TANGO6: variants seen among roughly 807,000 people sequenced by gnomAD.
The protein encoded by TANGO6 is transport and Golgi organization protein 6 homolog.
A neutral mutation model predicts 114.2 loss-of-function variants in TANGO6; 90 were observed. The observed-to-expected ratio is 0.79, with a 90% confidence interval of 0.66 to 0.94. The LOEUF (loss-of-function observed/expected upper bound fraction) is 0.94, where lower values mean the gene tolerates loss of function less well. TANGO6 is among the 40% of genes least tolerant of loss of function. TANGO6 has a pLI of 0.00. For missense variants in TANGO6, 1,274 were observed against 1,315.3 expected (o/e 0.97, Z 0.49); for synonymous variants, 477 against 509.8 (o/e 0.94, Z 0.87).
chr16:68,892,451 C>T (rs1962635958), intron 7 of TANGO6, among the ~76,000 whole-genome samples: 1 of 151,988 alleles, frequency 6.6e-6, no homozygotes, highest in African/African-American at 2.4e-5. Flanking sequence ...GACTTTGCCC[C>T]TCAGCTCTTG....
chr16:69,061,419 C>T (rs1960113495), intron 17 of TANGO6, among the ~76,000 whole-genome samples: 2 of 151,996 alleles, frequency 1.3e-5, no homozygotes, highest in African/African-American at 2.4e-5. Flanking sequence ...CAAAAATTAG[C>T]GGGGTGTGGT....
chr16:68,875,769 CAA>C (rs5817658), intron 5 of TANGO6, among the ~76,000 whole-genome samples: 15 of 113,320 alleles, frequency 1.3e-4, no homozygotes, highest in African/African-American at 1.5e-4. Flanking sequence ...AACTCCGTCT[CAA>C]AAAAAAAAAA....
intron 15 of TANGO6, among the ~76,000 whole-genome samples, chr16:69,009,373 G>A (rs969742618): frequency 1.3e-5 from 2 of 152,074 alleles, no homozygotes; most frequent in East Asian, 1.9e-4. Flanking sequence ...GAGCCACTGC[G>A]CCTGGCCCGA....
At chr16:68,926,725 G>A (rs984529852) in intron 12 of TANGO6, among the ~76,000 whole-genome samples, 8 of 151,580 alleles carry the variant, frequency 5.3e-5, no homozygotes, top group Admixed American at 3.9e-4. Flanking sequence ...GTGGGGTTTC[G>A]CCATGTTGGC....
chr16:68,907,099 ATTTTT>A (rs546359676), intron 9 of TANGO6, among the ~76,000 whole-genome samples: 34 of 114,594 alleles, frequency 3.0e-4, no homozygotes, highest in Non-Finnish European at 4.0e-4. Flanking sequence ...CCAGACCTTG[ATTTTT>A]TTTTTTTTTT....
In TANGO6 at chr16:68,980,993, C is replaced by CA. The variant is rs1177318846; in HGVS notation, c.2842+6835dup. On this transcript the variant is annotated intron_variant, in intron 15 of 17. Transcript: ENST00000261778. ...TGGTCAACAGAGTGAGACTCCATCTCAAAAAAAAAAGAATTGTGGAAAGAT... is the reference window on the plus strand; with the variant it reads ...TGGTCAACAGAGTGAGACTCCATCTCAAAAAAAAAAAGAATTGTGGAAAGAT... 9.3e-3 allele frequency among the ~76,000 whole-genome samples: 1,344 copies of CA among 144,260 alleles called. 22 individuals are homozygous for CA. The highest frequency in any genetic ancestry group is 0.032 in the African/African-American group (1,261 of 39,410). 94.6% of individuals were successfully genotyped at this position (144,260 alleles called of 152,430 possible).
intron 16 of TANGO6, among the ~76,000 whole-genome samples, chr16:69,027,122 G>A (rs950737224): frequency 2.6e-5 from 4 of 152,076 alleles, no homozygotes; most frequent in South Asian, 2.1e-4. Context: ...TCGGCCTCCC[G>A]AAGTGCTGGG....
rs1597016930 is a variant in TANGO6, at chr16:68,913,040, A to C, written c.1992+3638A>C. Among the ~76,000 whole-genome samples, 12 of 149,762 alleles carry C rather than the reference A, an allele frequency of 8.0e-5. No individual in the cohort carries two copies. The South Asian group carries it at 2.6e-3, about 32-fold the overall frequency. The stretch of plus-strand genomic sequence containing the variant: ...GGTTGCAGTGAGCCGAGATTGCGCC[A>C]CTGCACTCCAGCCTGAGTGACAGAG... On this transcript the variant is annotated intron_variant, in intron 11 of 17. Coordinates refer to ENST00000261778, the MANE Select transcript of TANGO6 (RefSeq NM_024562.2).
chr16:68,868,217 G>C (rs1429766400), intron 4 of TANGO6, among the ~76,000 whole-genome samples: 2 of 151,364 alleles, frequency 1.3e-5, no homozygotes, highest in Non-Finnish European at 2.9e-5. Flanking sequence ...TGCAAACTTT[G>C]GGATGAAGTT....
intron 15 of TANGO6, among the ~76,000 whole-genome samples, chr16:68,983,788 C>T (rs1221263670): frequency 1.3e-5 from 2 of 152,110 alleles, no homozygotes; most frequent in African/African-American, 4.8e-5. Context: ...AATCCCAGCA[C>T]TTTGGGAGGC....
chr16:69,015,605 C>T (rs1265332508), intron 15 of TANGO6, among the ~76,000 whole-genome samples: 1 of 151,888 alleles, frequency 6.6e-6, no homozygotes, highest in Non-Finnish European at 1.5e-5. Context: ...CCTCAGCTTC[C>T]CGAGTAGCTG....
chr16:69,017,594 C>T (rs1174346565), intron 15 of TANGO6, among the ~76,000 whole-genome samples: 1 of 152,098 alleles, frequency 6.6e-6, no homozygotes, highest in African/African-American at 2.4e-5. Context: ...TTTCTTCCTT[C>T]CCCAGTCTCC....
intron 12 of TANGO6, 122 bp from the exon 13 acceptor site, chr16:68,927,446 A>T: frequency 9.5e-7 from 1 of 1,057,998 alleles, no homozygotes; most frequent in African/African-American, 1.6e-5. Context: ...CAATACACTG[A>T]TTACACCATG....
At chr16:69,079,550 C>T (rs923732288) in intron 17 of TANGO6, among the ~76,000 whole-genome samples, 1 of 151,202 alleles carries the variant, frequency 6.6e-6, no homozygotes, top group Non-Finnish European at 1.5e-5. Context: ...AAAATATTTG[C>T]AACTCATATG....
In TANGO6 at chr16:68,929,194, C is replaced by T. The variant is rs1466864977; in HGVS notation, c.2644-1044C>T. ...TCGGCCTCCCAAAGTGCTGGGATTA[C>T]AGGCATGAGCCACCGCGCCTGGCCT... On this transcript the variant is annotated intron_variant, in intron 13 of 17. Transcript: ENST00000261778. Among the ~76,000 whole-genome samples the T allele has an allele frequency of 2.0e-5, 3 of 152,204 alleles. No homozygotes were observed. The East Asian group carries it at 5.8e-4, about 29-fold the overall frequency.
At chr16:69,005,217 A>G (rs1275430636) in intron 15 of TANGO6, among the ~76,000 whole-genome samples, 1 of 152,232 alleles carries the variant, frequency 6.6e-6, no homozygotes, top group Non-Finnish European at 1.5e-5. Flanking sequence ...TTGCTCAACT[A>G]TCCAAAGGAA....
chr16:68,961,933 T>A (rs1338391193), intron 14 of TANGO6, among the ~76,000 whole-genome samples: 3 of 152,232 alleles, frequency 2.0e-5, no homozygotes, highest in African/African-American at 7.2e-5. Flanking sequence ...TTTAGCAGGA[T>A]GCTTCGGTAG....
At chr16:68,862,440 G>GC (rs576590204) in intron 2 of TANGO6, among the ~76,000 whole-genome samples, 252 of 151,852 alleles carry the variant, frequency 1.7e-3, no homozygotes, top group African/African-American at 5.5e-3. Flanking sequence ...CAGGAGATCC[G>GC]CCCCCCTCGG....
intron 17 of TANGO6, among the ~76,000 whole-genome samples, chr16:69,057,626 G>T (rs974882229): frequency 6.6e-6 from 1 of 152,016 alleles, no homozygotes; most frequent in Non-Finnish European, 1.5e-5. Context: ...AGTCACCTGG[G>T]CATTCCCTAC....
Sources: gnomAD v4.1 joint callset for allele counts (sites outside exome capture counted in the v4.1 genomes callset) on GRCh38, gnomAD v4.1.1 for gene constraint, MANE v1.5 for transcripts, NCBI Gene and HGNC (gene_info 2026-07-23, HGNC 2026-07-21) for gene names.